GRIN2A: variants seen among roughly 807,000 people sequenced by gnomAD.
GRIN2A encodes the protein glutamate ionotropic receptor NMDA type subunit 2A, also known as glutamate receptor ionotropic, NMDA 2A.
In GRIN2A, 22 loss-of-function variants were observed where a neutral mutation model predicts 113.4. That is an observed-to-expected ratio of 0.19 (90% CI 0.14 to 0.28). The LOEUF (loss-of-function observed/expected upper bound fraction) is 0.28, where lower values mean the gene tolerates loss of function less well. Among genes scored for constraint, GRIN2A ranks in the 10% least tolerant of loss-of-function variants. The pLI, the probability that GRIN2A is intolerant of heterozygous loss-of-function variation, is 1.00. For synonymous variants in GRIN2A, 827 were observed against 738.4 expected (o/e 1.12, Z -1.94); for missense variants, 1,502 against 1,887.0 (o/e 0.80, Z 3.78).
chr16:9,754,817 G>C lies in GRIN2A; in HGVS notation c.*8332C>G. The C allele has an allele frequency of 4.5e-6, 1 of 222,514 alleles. No individual in the cohort carries two copies. The highest frequency in any genetic ancestry group is 9.0e-6 in the Non-Finnish European group (1 of 111,294). The allele number at this position is 222,514 out of a possible 1,614,324, so 13.8% of individuals were successfully genotyped here. The stretch of plus-strand genomic sequence containing the variant: ...AAAAGACAATGTTTTCGTATTTCTG[G>C]ATCTTCGCTCTTTGCTCAGTTATCA... On this transcript the variant is annotated 3_prime_UTR_variant, in exon 13 of 13. Transcript: ENST00000330684.
chr16:9,989,520 C>CA (rs573606558), intron 2 of GRIN2A, among the ~76,000 whole-genome samples: 98 of 150,436 alleles, frequency 6.5e-4, no homozygotes, highest in African/African-American at 1.8e-3. Context: ...GCAAATGCAA[C>CA]AAAAAAAAAT....
intron 2 of GRIN2A, among the ~76,000 whole-genome samples, chr16:10,084,994 A>C (rs768793061): frequency 6.6e-6 from 1 of 152,298 alleles, no homozygotes; most frequent in African/African-American, 2.4e-5. Flanking sequence ...CAAGGGCCTT[A>C]TGTATATTAA....
intron 2 of GRIN2A, among the ~76,000 whole-genome samples, chr16:10,123,636 T>C (rs370975437): frequency 9.2e-5 from 14 of 152,160 alleles, no homozygotes; most frequent in African/African-American, 3.4e-4. Context: ...AGGCAGATTC[T>C]AGCTCGGTCA....
At chr16:10,085,325 CA>C (rs1453366832) in intron 2 of GRIN2A, among the ~76,000 whole-genome samples, 1 of 152,122 alleles carries the variant, frequency 6.6e-6, no homozygotes, top group African/African-American at 2.4e-5. Context: ...GCTAAGTATA[CA>C]TACTCAAGTT....
At chr16:9,969,640 G>A (rs1339884719) in intron 2 of GRIN2A, among the ~76,000 whole-genome samples, 1 of 152,142 alleles carries the variant, frequency 6.6e-6, no homozygotes, top group African/African-American at 2.4e-5. Context: ...CAGCCATCCA[G>A]ATACCCTAGA....
At chr16:10,156,159 C>G (rs1012227937) in intron 2 of GRIN2A, among the ~76,000 whole-genome samples, 1 of 152,194 alleles carries the variant, frequency 6.6e-6, no homozygotes, top group Non-Finnish European at 1.5e-5. Context: ...CCTAGAAGAG[C>G]TCCTGTCCCC....
intron 2 of GRIN2A, among the ~76,000 whole-genome samples, chr16:10,165,745 GGGGAGAAAGGAGGGGA>G (rs2049907537): frequency 2.6e-5 from 2 of 78,152 alleles, no homozygotes; most frequent in African/African-American, 9.8e-5. Context: ...AAGGAGGGGA[GGGGAGAAAGGAGGGGA>G]GGGGAGAGGA....
intron 2 of GRIN2A, among the ~76,000 whole-genome samples, chr16:10,126,170 TA>T (rs199747171): frequency 9.0e-4 from 68 of 75,456 alleles, no homozygotes; most frequent in Middle Eastern, 8.8e-3. Flanking sequence ...TATATATATA[TA>T]TTTTTTTTTG....
chr16:10,030,486 T>C (rs2046908467), intron 2 of GRIN2A, among the ~76,000 whole-genome samples: 1 of 152,160 alleles, frequency 6.6e-6, no homozygotes, highest in Non-Finnish European at 1.5e-5. Flanking sequence ...TTTGGTCTCC[T>C]GCCTGCACTT....
chr16:10,075,105 T>C (rs2047842815), intron 2 of GRIN2A, among the ~76,000 whole-genome samples: 2 of 152,146 alleles, frequency 1.3e-5, no homozygotes, highest in South Asian at 4.1e-4. Flanking sequence ...GCCCTGAACT[T>C]GCTGGGACTT....
chr16:10,086,903 C>A lies in GRIN2A; in HGVS notation c.414+93095G>T, dbSNP rs192541727. Among the ~76,000 whole-genome samples the A allele has an allele frequency of 4.7e-5, 7 of 149,618 alleles. 1 individual carries two copies. The highest frequency in any genetic ancestry group is 1.7e-4 in the African/African-American group (7 of 41,372). On this transcript the variant is annotated intron_variant, in intron 2 of 12. Transcript: ENST00000330684. Reference sequence around the variant, plus strand: ...ACCTAGCTGGATGATCCAGAATGAGCCCAGAGGCTGGGGACTATGCAAACA... The same window carrying A: ...ACCTAGCTGGATGATCCAGAATGAGACCAGAGGCTGGGGACTATGCAAACA...
intron 2 of GRIN2A, among the ~76,000 whole-genome samples, chr16:10,101,965 G>T (rs1229901285): frequency 1.3e-5 from 2 of 152,214 alleles, no homozygotes; most frequent in Admixed American, 6.5e-5. Flanking sequence ...CTGAAAACAT[G>T]GTGGTAATCC....
chr16:9,759,367 T>G lies in GRIN2A; in HGVS notation c.*3782A>C. ...GGCATTTGTCATTTCCTGTGAAGGA[T>G]GCAGAATATTAAATACACATCAGTG... On this transcript the variant is annotated 3_prime_UTR_variant, in exon 13 of 13. Coordinates refer to ENST00000330684, the MANE Select transcript of GRIN2A (RefSeq NM_001134407.3). 1 of 224,780 alleles carries G rather than the reference T, an allele frequency of 4.4e-6. No individual in the cohort carries two copies. 13.9% of individuals were successfully genotyped at this position (224,780 alleles called of 1,614,324 possible).
chr16:9,757,812 G>A lies in GRIN2A; in HGVS notation c.*5337C>T, dbSNP rs962103488. The A allele has an allele frequency of 9.0e-6, 2 of 222,850 alleles. No homozygotes were observed. The highest frequency in any genetic ancestry group is 1.1e-4 in the Admixed American group (2 of 17,434). 13.8% of individuals were successfully genotyped at this position (222,850 alleles called of 1,614,324 possible). On this transcript the variant is annotated 3_prime_UTR_variant, in exon 13 of 13. Transcript: ENST00000330684. ...GGAACTTTAAGACAGGGATTGTGAGGGAGTTTAAAGGAAAACCAAATTCAA... is the reference window on the plus strand; with the variant it reads ...GGAACTTTAAGACAGGGATTGTGAGAGAGTTTAAAGGAAAACCAAATTCAA...
chr16:9,776,305 T>C (rs952560585), intron 11 of GRIN2A, among the ~76,000 whole-genome samples: 40 of 148,730 alleles, frequency 2.7e-4, no homozygotes, highest in Non-Finnish European at 5.5e-4. Context: ...TTGTATAGAA[T>C]TTGTCACAGT....
chr16:9,891,819 G>A (rs1322763914), intron 3 of GRIN2A, among the ~76,000 whole-genome samples: 1 of 152,224 alleles, frequency 6.6e-6, no homozygotes, highest in African/African-American at 2.4e-5. Context: ...ACTGAATGCA[G>A]ACCAGAGAGG....
chr16:9,863,505 T>C (rs1348517748), intron 4 of GRIN2A, among the ~76,000 whole-genome samples: 1 of 152,246 alleles, frequency 6.6e-6, no homozygotes, highest in Non-Finnish European at 1.5e-5. Context: ...AGAGCTGCAC[T>C]GAGCTCTACT....
intron 2 of GRIN2A, among the ~76,000 whole-genome samples, chr16:10,019,456 C>T (rs837704): frequency 6.6e-6 from 1 of 152,120 alleles, no homozygotes; most frequent in Admixed American, 6.5e-5. Flanking sequence ...AATCTGTAAG[C>T]ATTTCAAAGA....
chr16:9,986,575 C>A (rs1056452386), intron 2 of GRIN2A, among the ~76,000 whole-genome samples: 1 of 151,876 alleles, frequency 6.6e-6, no homozygotes, highest in Non-Finnish European at 1.5e-5. Flanking sequence ...CCAGTCTGGT[C>A]AACATAGTGA....
Sources: allele counts gnomAD v4.1 joint callset (sites outside exome capture counted in the v4.1 genomes callset), GRCh38; gene constraint gnomAD v4.1.1; transcripts MANE v1.5; gene names NCBI Gene and HGNC (gene_info 2026-07-23, HGNC 2026-07-21).